The following RFX3 variants were observed in gnomAD, a reference collection of about 807,000 sequenced individuals.
RFX3 encodes regulatory factor X3.
A neutral mutation model predicts 98.6 loss-of-function variants in RFX3; 14 were observed. The observed-to-expected ratio is 0.14, with a 90% CI of 0.09 to 0.22. The LOEUF is 0.22. Ranked by LOEUF, RFX3 falls within the 10% of genes least tolerant of loss-of-function variation. RFX3 has a pLI of 1.00. For missense variants in RFX3, 639 were observed against 926.9 expected (o/e 0.69, Z 4.03); for synonymous variants, 383 against 328.4 (o/e 1.17, Z -1.80).
chr9:3,316,950 A>C (rs905726483), intron 4 of RFX3, among the ~76,000 whole-genome samples: 2 of 152,220 alleles, frequency 1.3e-5, no homozygotes, highest in South Asian at 2.1e-4. Flanking sequence ...TGCCCAAGGT[A>C]ATTTATAGAT....
chr9:3,321,491 G>A (rs1038143398), intron 4 of RFX3, among the ~76,000 whole-genome samples: 1 of 152,030 alleles, frequency 6.6e-6, no homozygotes, highest in Admixed American at 6.6e-5. Context: ...GTATTTCTTT[G>A]TAGTTTATTT....
chr9:3,474,378 C>T (rs1849040269), intron 1 of RFX3, among the ~76,000 whole-genome samples: 1 of 152,154 alleles, frequency 6.6e-6, no homozygotes, highest in South Asian at 2.1e-4. Flanking sequence ...GAACCAATCT[C>T]ATCAGAAAAG....
intron 1 of RFX3, among the ~76,000 whole-genome samples, chr9:3,497,463 G>A (rs1439582501): frequency 1.3e-5 from 2 of 151,906 alleles, no homozygotes; most frequent in East Asian, 3.9e-4. Flanking sequence ...TTTTTGCCTG[G>A]TAAAGGCAGT....
chr9:3,508,278 C>A (rs1339309199), intron 1 of RFX3, among the ~76,000 whole-genome samples: 1 of 151,928 alleles, frequency 6.6e-6, no homozygotes, highest in African/African-American at 2.4e-5. Flanking sequence ...TCTCTATATT[C>A]AAATCCCAAT....
intron 3 of RFX3, among the ~76,000 whole-genome samples, chr9:3,332,871 G>A (rs938328111): frequency 2.0e-5 from 3 of 151,926 alleles, no homozygotes; most frequent in Admixed American, 6.6e-5. Context: ...CCACCTCCCT[G>A]CCTTTGTCCT....
chr9:3,340,972 C>G (rs559403177), intron 3 of RFX3, among the ~76,000 whole-genome samples: 3 of 152,148 alleles, frequency 2.0e-5, no homozygotes, highest in Non-Finnish European at 4.4e-5. Flanking sequence ...TATTGCGGCA[C>G]TATTCACAAT....
intron 4 of RFX3, among the ~76,000 whole-genome samples, chr9:3,313,716 C>T (rs1001579503): frequency 8.5e-5 from 13 of 152,216 alleles, no homozygotes; most frequent in Admixed American, 4.6e-4. Context: ...ATGAGAACTA[C>T]GTGAAGGATG....
At chr9:3,367,558 A>G (rs1161216591) in intron 2 of RFX3, among the ~76,000 whole-genome samples, 1 of 152,188 alleles carries the variant, frequency 6.6e-6, no homozygotes, top group African/African-American at 2.4e-5. Flanking sequence ...CATCCTTGTA[A>G]TTTGATACAC....
intron 1 of RFX3, among the ~76,000 whole-genome samples, chr9:3,424,977 C>T (rs534940333): frequency 1.5e-4 from 23 of 152,102 alleles, no homozygotes; most frequent in Non-Finnish European, 2.8e-4. Flanking sequence ...TACCTGTAAT[C>T]CCAGCACTTT....
intron 8 of RFX3, among the ~76,000 whole-genome samples, chr9:3,276,285 G>C (rs1257521966): frequency 3.9e-5 from 6 of 152,014 alleles, no homozygotes; most frequent in Non-Finnish European, 7.4e-5. Context: ...AGAATACAGG[G>C]ACATGATCTA....
At chr9:3,425,465 T>C (rs766701332) in intron 1 of RFX3, among the ~76,000 whole-genome samples, 10 of 152,228 alleles carry the variant, frequency 6.6e-5, no homozygotes, top group Admixed American at 1.3e-4. Flanking sequence ...CAAAACCTTA[T>C]GATTCAACAT....
intron 13 of RFX3, among the ~76,000 whole-genome samples, chr9:3,258,110 T>A (rs552849540): frequency 6.4e-4 from 98 of 152,262 alleles, no homozygotes; most frequent in South Asian, 1.7e-3. Context: ...AGGTCCTGAA[T>A]AAACAAAACT....
chr9:3,454,348 T>G (rs1037812798), intron 1 of RFX3, among the ~76,000 whole-genome samples: 2 of 152,242 alleles, frequency 1.3e-5, no homozygotes, highest in Non-Finnish European at 2.9e-5. Context: ...ACTTCAGATA[T>G]GTATGTTCTA....
chr9:3,444,634 G>A (rs910795161), intron 1 of RFX3, among the ~76,000 whole-genome samples: 1 of 152,132 alleles, frequency 6.6e-6, no homozygotes, highest in Non-Finnish European at 1.5e-5. Flanking sequence ...TGGCAAAACT[G>A]GGAATACACT....
At chr9:3,383,131 A>G (rs944291832) in intron 2 of RFX3, among the ~76,000 whole-genome samples, 1 of 152,100 alleles carries the variant, frequency 6.6e-6, no homozygotes, top group Non-Finnish European at 1.5e-5. Flanking sequence ...AGATGCTAAT[A>G]TTTTACTACA....
intron 3 of RFX3, among the ~76,000 whole-genome samples, chr9:3,335,100 C>T (rs1001507322): frequency 1.3e-5 from 2 of 151,868 alleles, no homozygotes; most frequent in African/African-American, 4.8e-5. Flanking sequence ...GCCTGGGCAA[C>T]AGAGCGAAAC....
chr9:3,280,648 T>C (rs1211700766), intron 7 of RFX3, among the ~76,000 whole-genome samples: 1 of 151,858 alleles, frequency 6.6e-6, no homozygotes, highest in African/African-American at 2.4e-5. Flanking sequence ...ACAGTGGTTG[T>C]AGATTATATA....
intron 1 of RFX3, among the ~76,000 whole-genome samples, chr9:3,478,500 C>G (rs1184174483): frequency 6.6e-6 from 1 of 151,280 alleles, no homozygotes; most frequent in Non-Finnish European, 1.5e-5. Flanking sequence ...TAGTAGTCAA[C>G]CAATGATCAT....
chr9:3,339,842 G>C (rs542407853), intron 3 of RFX3, among the ~76,000 whole-genome samples: 1 of 152,210 alleles, frequency 6.6e-6, no homozygotes, highest in African/African-American at 2.4e-5. Context: ...GTAATTTATA[G>C]ATTCAATGCC....
Sources: allele counts gnomAD v4.1 joint callset (sites outside exome capture counted in the v4.1 genomes callset), GRCh38; gene constraint gnomAD v4.1.1; transcripts MANE v1.5; gene names NCBI Gene and HGNC (gene_info 2026-07-23, HGNC 2026-07-21).